PIK3C2G: variants seen among roughly 807,000 people sequenced by gnomAD.
PIK3C2G encodes phosphatidylinositol-4-phosphate 3-kinase catalytic subunit type 2 gamma.
A neutral mutation model predicts 181.1 loss-of-function variants in PIK3C2G; 168 were observed. That is an observed-to-expected ratio of 0.93 (90% CI 0.82 to 1.05). The LOEUF (loss-of-function observed/expected upper bound fraction) is 1.05. PIK3C2G is among the 50% of genes least tolerant of loss of function. PIK3C2G has a pLI of 0.00. For missense variants in PIK3C2G, 1,869 were observed against 1,732.8 expected (o/e 1.08, Z -1.40); for synonymous variants, 573 against 592.2 (o/e 0.97, Z 0.47).
intron 3 of PIK3C2G, among the ~76,000 whole-genome samples, chr12:18,287,887 C>A (rs576541449): frequency 1.3e-5 from 2 of 150,334 alleles, no homozygotes; most frequent in East Asian, 3.9e-4. Context: ...ATAGGCTGGG[C>A]ACGGTGGCTC....
intron 18 of PIK3C2G, among the ~76,000 whole-genome samples, chr12:18,477,473 C>T (rs1939120269): frequency 6.6e-6 from 1 of 152,062 alleles, no homozygotes; most frequent in African/African-American, 2.4e-5. Context: ...TAACATAAGT[C>T]AACAGAAAAT....
intron 25 of PIK3C2G, among the ~76,000 whole-genome samples, chr12:18,546,106 G>C (rs1159639572): frequency 1.3e-5 from 2 of 151,746 alleles, no homozygotes; most frequent in Non-Finnish European, 2.9e-5. Context: ...CAATTATAGT[G>C]GTTCTTTTGT....
intron 14 of PIK3C2G, among the ~76,000 whole-genome samples, chr12:18,386,996 T>C (rs1221094820): frequency 6.6e-6 from 1 of 152,192 alleles, no homozygotes; most frequent in Non-Finnish European, 1.5e-5. Flanking sequence ...GGATATTCTA[T>C]TGGCAGCTTC....
chr12:18,349,697 A>G (rs1158852449), intron 11 of PIK3C2G, among the ~76,000 whole-genome samples: 7 of 152,176 alleles, frequency 4.6e-5, no homozygotes, highest in Non-Finnish European at 8.8e-5. Context: ...ATCTCACTCA[A>G]AGATGAGATA....
chr12:18,441,294 G>T (rs1592267181), intron 18 of PIK3C2G, among the ~76,000 whole-genome samples: 1 of 152,076 alleles, frequency 6.6e-6, no homozygotes, highest in East Asian at 1.9e-4. Flanking sequence ...AGAGTGAAAA[G>T]GAGAGCTATT....
At chr12:18,405,547 G>A (rs1565685249) in intron 16 of PIK3C2G, among the ~76,000 whole-genome samples, 1 of 151,014 alleles carries the variant, frequency 6.6e-6, no homozygotes, top group Non-Finnish European at 1.5e-5. Flanking sequence ...ACAGTGCAAA[G>A]CAAGAAAAAC....
At chr12:18,451,213 G>C (rs550492696) in intron 18 of PIK3C2G, among the ~76,000 whole-genome samples, 1 of 152,254 alleles carries the variant, frequency 6.6e-6, no homozygotes, top group Admixed American at 6.5e-5. Flanking sequence ...CATGAGCATG[G>C]AATTTCATTC....
intron 22 of PIK3C2G, among the ~76,000 whole-genome samples, chr12:18,499,522 C>T (rs1406333650): frequency 6.6e-6 from 1 of 152,110 alleles, no homozygotes; most frequent in African/African-American, 2.4e-5. Context: ...TATGTAATGT[C>T]CTAGGAGTTC....
At chr12:18,698,846 T>C in the PIK3C2G span, among the ~76,000 whole-genome samples, 1 of 152,294 alleles carries the variant, frequency 6.6e-6, no homozygotes, top group East Asian at 1.9e-4. Context: ...TAGTCACCTG[T>C]TGCACTATCA....
chr12:18,641,092 C>T (rs941823739), intron 32 of PIK3C2G, among the ~76,000 whole-genome samples: 1 of 152,172 alleles, frequency 6.6e-6, no homozygotes. Context: ...CCCATCTCCT[C>T]TGCACCTTGC....
intron 6 of PIK3C2G, 86 bp downstream of exon 6, chr12:18,314,150 GA>G: frequency 1.5e-6 from 1 of 649,468 alleles, no homozygotes; most frequent in Non-Finnish European, 2.7e-6. Flanking sequence ...TGCCAACTTG[GA>G]ATTATATAGC....
At chr12:18,515,868 G>T (rs780084578) in intron 24 of PIK3C2G, among the ~76,000 whole-genome samples, 1 of 151,854 alleles carries the variant, frequency 6.6e-6, no homozygotes, top group African/African-American at 2.4e-5. Context: ...TTCCCTCATA[G>T]AACTGCTTTT....
chr12:18,476,405 T>C (rs141147394), intron 18 of PIK3C2G, among the ~76,000 whole-genome samples: 1 of 152,262 alleles, frequency 6.6e-6, no homozygotes, highest in African/African-American at 2.4e-5. Context: ...AATCATGAAG[T>C]GCTCTGTTTG....
chr12:18,249,657 G>A (rs1273853683), intron 1 of PIK3C2G, among the ~76,000 whole-genome samples: 4 of 152,034 alleles, frequency 2.6e-5, no homozygotes, highest in Admixed American at 6.6e-5. Flanking sequence ...TGCTTCTCCA[G>A]ATTTAGCCAA....
the PIK3C2G span, among the ~76,000 whole-genome samples, chr12:18,663,859 T>C: frequency 6.6e-6 from 1 of 152,252 alleles, no homozygotes; most frequent in East Asian, 1.9e-4. Context: ...TTATAAGGAA[T>C]TAATATCCAG....
At chr12:18,726,529 G>A in the PIK3C2G span, among the ~76,000 whole-genome samples, 12 of 152,114 alleles carry the variant, frequency 7.9e-5, no homozygotes, top group East Asian at 5.8e-4. Context: ...ATTACTATAC[G>A]TTTAAATGAG....
intron 31 of PIK3C2G, among the ~76,000 whole-genome samples, chr12:18,629,835 T>C (rs1949271680): frequency 2.6e-5 from 4 of 152,198 alleles, no homozygotes; most frequent in Admixed American, 2.0e-4. Flanking sequence ...CTTTACCCTA[T>C]GATAGACATT....
intron 24 of PIK3C2G, among the ~76,000 whole-genome samples, chr12:18,528,289 TC>T (rs1165970610): frequency 6.6e-6 from 1 of 152,160 alleles, no homozygotes; most frequent in Non-Finnish European, 1.5e-5. Context: ...GCTTAAACAT[TC>T]CCCAATGTGC....
chr12:18,707,547 C>G, the PIK3C2G span, among the ~76,000 whole-genome samples: 1 of 152,104 alleles, frequency 6.6e-6, no homozygotes, highest in Admixed American at 6.5e-5. Context: ...CATTTCCTTA[C>G]CAAAGGCTGT....
Sources: allele counts gnomAD v4.1 joint callset (sites outside exome capture counted in the v4.1 genomes callset), GRCh38; gene constraint gnomAD v4.1.1; transcripts MANE v1.5; gene names NCBI Gene and HGNC (gene_info 2026-07-23, HGNC 2026-07-21).